The following NRP2 variants were observed in gnomAD, a reference collection of about 807,000 sequenced individuals.
NRP2 encodes neuropilin 2, also known as neuropilin-2.
NRP2 carries 52 observed loss-of-function variants against 110.4 expected under a neutral mutation model. The observed-to-expected ratio is 0.47, with a 90% CI of 0.38 to 0.59. The LOEUF (loss-of-function observed/expected upper bound fraction) is 0.59, where lower values mean the gene tolerates loss of function less well. Ranked by LOEUF, NRP2 falls within the 20% of genes least tolerant of loss-of-function variation. The pLI is 0.00. For missense variants in NRP2, 1,049 were observed against 1,203.0 expected (o/e 0.87, Z 1.89); for synonymous variants, 508 against 468.9 (o/e 1.08, Z -1.08).
chr2:205,766,599 CATG>C (rs2057922303), intron 14 of NRP2, among the ~76,000 whole-genome samples, 181 bp from the exon 15 acceptor site: 1 of 152,180 alleles, frequency 6.6e-6, no homozygotes, highest in Admixed American at 6.5e-5. Flanking sequence ...ATCACCACCC[CATG>C]ATGATGATGT....
At chr2:205,766,877 TG>T (rs151261485) in intron 15 of NRP2, 74 bp downstream of exon 15, 41,310 of 1,357,788 alleles carry the variant, frequency 0.03, 815 homozygotes, top group Middle Eastern at 0.04. Context: ...GTGAATTTGA[TG>T]GGGGGAATCA....
chr2:205,784,488 C>T (rs936216416), intron 15 of NRP2, among the ~76,000 whole-genome samples: 1 of 152,146 alleles, frequency 6.6e-6, no homozygotes, highest in Non-Finnish European at 1.5e-5. Context: ...GTTATTACAA[C>T]CTAGATGGGG....
At position 205,743,571 on chromosome 2, in the gene NRP2, C is replaced by T. The variant is rs1266911189; in HGVS notation, c.1641+19C>T. 6.2e-7 allele frequency: 1 copy of T among 1,613,224 alleles called. No homozygotes were observed. On this transcript the variant is annotated intron_variant, in intron 9 of 16. Transcript: ENST00000357785. ...GCCAAAGGTAGGCTGTTCTTGGAGGCCTCTGTAACGTTACCCTCAACAGGG... is the reference window on the plus strand; with the variant it reads ...GCCAAAGGTAGGCTGTTCTTGGAGGTCTCTGTAACGTTACCCTCAACAGGG...
chr2:205,755,788 C>T (rs931588886), intron 12 of NRP2, among the ~76,000 whole-genome samples: 10 of 152,034 alleles, frequency 6.6e-5, no homozygotes, highest in East Asian at 1.9e-4. Context: ...CCACTCTTCA[C>T]GAGCGTGTGC....
chr2:205,793,718 C>T (rs916050999), intron 16 of NRP2, among the ~76,000 whole-genome samples: 9 of 152,092 alleles, frequency 5.9e-5, no homozygotes, highest in Non-Finnish European at 1.0e-4. Context: ...CCACTTTTAT[C>T]GGATAAAGGT....
chr2:205,729,324 G>A (rs139347620), intron 7 of NRP2, among the ~76,000 whole-genome samples: 1 of 152,344 alleles, frequency 6.6e-6, no homozygotes, highest in East Asian at 1.9e-4. Flanking sequence ...TCCACGATAA[G>A]GAAAGTGAGG....
At chr2:205,760,155 C>A (rs2057798216) in intron 12 of NRP2, among the ~76,000 whole-genome samples, 1 of 152,158 alleles carries the variant, frequency 6.6e-6, no homozygotes, top group African/African-American at 2.4e-5. Flanking sequence ...GCAGGTAAAG[C>A]CTCCCGTGTG....
At chr2:205,750,383 G>C (rs1304168022) in intron 11 of NRP2, among the ~76,000 whole-genome samples, 2 of 152,190 alleles carry the variant, frequency 1.3e-5, no homozygotes, top group Non-Finnish European at 2.9e-5. Context: ...CTATAAGATA[G>C]TGCACTGTAT....
At chr2:205,694,760 G>A (rs569645631) in intron 1 of NRP2, among the ~76,000 whole-genome samples, 1 of 152,296 alleles carries the variant, frequency 6.6e-6, no homozygotes, top group East Asian at 1.9e-4. Flanking sequence ...GGACATGTTT[G>A]TATTTAGGAA....
intron 15 of NRP2, among the ~76,000 whole-genome samples, chr2:205,783,512 C>A (rs2058200618): frequency 6.6e-6 from 1 of 152,222 alleles, no homozygotes; most frequent in African/African-American, 2.4e-5. Flanking sequence ...ACCTACACAC[C>A]AAGAAAAAGT....
intron 15 of NRP2, among the ~76,000 whole-genome samples, chr2:205,786,380 T>G (rs1253408027): frequency 1.3e-5 from 2 of 152,196 alleles, no homozygotes; most frequent in Admixed American, 1.3e-4. Flanking sequence ...GCGATTTAAC[T>G]GGCCCATGGG....
At chr2:205,756,020 T>TC (rs1456616346) in intron 12 of NRP2, among the ~76,000 whole-genome samples, 1 of 152,192 alleles carries the variant, frequency 6.6e-6, no homozygotes, top group African/African-American at 2.4e-5. Flanking sequence ...TCTTTTTTTT[T>TC]CCTTTCCTTT....
At chr2:205,766,370 G>A (rs1575652954) in intron 14 of NRP2, among the ~76,000 whole-genome samples, 1 of 152,146 alleles carries the variant, frequency 6.6e-6, no homozygotes, top group Non-Finnish European at 1.5e-5. Context: ...TGCCTTTCTT[G>A]GCACACGACC....
At chr2:205,736,357 A>T (rs891122178) in intron 7 of NRP2, among the ~76,000 whole-genome samples, 1 of 152,154 alleles carries the variant, frequency 6.6e-6, no homozygotes, top group African/African-American at 2.4e-5. Flanking sequence ...TAAATAAATT[A>T]AATTAAATAA....
intron 2 of NRP2, 111 bp from the exon 3 acceptor site, chr2:205,716,082 T>G (rs1454384810): frequency 1.3e-5 from 15 of 1,190,240 alleles, no homozygotes; most frequent in Non-Finnish European, 1.5e-5. Context: ...CTTATCCATC[T>G]GAAACACCTT....
In NRP2 at chr2:205,797,806, T is replaced by A. The variant is rs938978953; in HGVS notation, c.*2748T>A. On this transcript the variant is annotated 3_prime_UTR_variant, in exon 17 of 17. Transcript: ENST00000357785. ...TGAATGACACATTACCTCCACACTCTCCCGGACTAGGTGGTCAACAGGGCC... is the reference window on the plus strand; with the variant it reads ...TGAATGACACATTACCTCCACACTCACCCGGACTAGGTGGTCAACAGGGCC... 1 of 152,638 alleles carries A rather than the reference T, an allele frequency of 6.6e-6. No individual in the cohort carries two copies. The highest frequency in any genetic ancestry group is 1.5e-5 in the Non-Finnish European group (1 of 68,102). The allele number at this position is 152,638 out of a possible 1,614,324, so 9.5% of individuals were successfully genotyped here. A position where few individuals can be genotyped will look rare whatever the true frequency, so the allele number is the denominator to read the frequency against.
chr2:205,712,804 G>A (rs849547), intron 2 of NRP2, among the ~76,000 whole-genome samples: 9 of 152,108 alleles, frequency 5.9e-5, no homozygotes, highest in South Asian at 4.2e-4. Flanking sequence ...TTCAGCTGCC[G>A]AACTGTAACT....
chr2:205,767,578 TA>T (rs754385078), intron 15 of NRP2: 34,475 of 241,544 alleles, frequency 0.14, 2 homozygotes, highest in South Asian at 0.29. Flanking sequence ...ATCCAGGTTA[TA>T]AAAAAAAAAA....
At chr2:205,688,843 C>G (rs919058527) in intron 1 of NRP2, among the ~76,000 whole-genome samples, 1 of 131,674 alleles carries the variant, frequency 7.6e-6, no homozygotes, top group African/African-American at 2.7e-5. Context: ...TGGCAAAAAA[C>G]AAAAAAACAA....
Sources: gnomAD v4.1 joint callset for allele counts (sites outside exome capture counted in the v4.1 genomes callset) on GRCh38, gnomAD v4.1.1 for gene constraint, MANE v1.5 for transcripts, NCBI Gene and HGNC (gene_info 2026-07-23, HGNC 2026-07-21) for gene names.